Variants in SLC22A3 observed in about 807,000 individuals in gnomAD.
The protein encoded by SLC22A3 is solute carrier family 22 member 3.
Under a neutral mutation model 59.1 loss-of-function variants are expected in SLC22A3, and 51 were observed. That is an observed-to-expected ratio of 0.86 (90% CI 0.69 to 1.09). The LOEUF (loss-of-function observed/expected upper bound fraction) is 1.09, where lower values mean the gene tolerates loss of function less well. Ranked by LOEUF, SLC22A3 falls within the 50% of genes least tolerant of loss-of-function variation. The pLI, the probability that SLC22A3 is intolerant of heterozygous loss-of-function variation, is 0.00. For missense variants in SLC22A3, 711 were observed against 726.3 expected (o/e 0.98, Z 0.24); for synonymous variants, 325 against 292.0 (o/e 1.11, Z -1.15).
intron 1 of SLC22A3, among the ~76,000 whole-genome samples, chr6:160,354,133 G>A (rs1279651354): frequency 6.6e-6 from 1 of 152,168 alleles, no homozygotes; most frequent in African/African-American, 2.4e-5. Flanking sequence ...ATGTTGCAGA[G>A]ACATCTGTAC....
In SLC22A3 at chr6:160,452,000, A is replaced by G. The variant is rs1235957803; in HGVS notation, c.*944A>G. On this transcript the variant is annotated 3_prime_UTR_variant, in exon 11 of 11. Coordinates refer to ENST00000275300, the MANE Select transcript of SLC22A3 (RefSeq NM_021977.4). ...TCCTATTCATTCTTAGCACTTTGAC[A>G]TGTCTTGGGGAAAAGCTTACATTTT... is the stretch of plus-strand genomic sequence containing the variant. 6.6e-6 allele frequency: 1 copy of G among 152,230 alleles called. No individual in the cohort carries two copies. The highest frequency in any genetic ancestry group is 1.9e-4 in the East Asian group (1 of 5,198). 9.4% of individuals were successfully genotyped at this position (152,230 alleles called of 1,614,324 possible).
intron 7 of SLC22A3, among the ~76,000 whole-genome samples, chr6:160,438,233 A>T (rs1414718007): frequency 6.6e-6 from 1 of 152,118 alleles, no homozygotes; most frequent in Non-Finnish European, 1.5e-5. Context: ...GGTGAGCAGC[A>T]CCCAGAAGAT....
chr6:160,390,833 C>T (rs985194968), intron 1 of SLC22A3, among the ~76,000 whole-genome samples: 3 of 152,022 alleles, frequency 2.0e-5, no homozygotes, highest in African/African-American at 4.8e-5. Context: ...GAAATTGATT[C>T]GCTCCTGGTT....
At chr6:160,359,866 C>G (rs970894599) in intron 1 of SLC22A3, among the ~76,000 whole-genome samples, 2 of 152,146 alleles carry the variant, frequency 1.3e-5, no homozygotes, top group Non-Finnish European at 2.9e-5. Context: ...CTGTAAAGAA[C>G]TGTATTAACA....
At chr6:160,405,895 A>G (rs1786994192) in intron 2 of SLC22A3, among the ~76,000 whole-genome samples, 2 of 152,152 alleles carry the variant, frequency 1.3e-5, no homozygotes, top group African/African-American at 4.8e-5. Flanking sequence ...AGTAAAAAAA[A>G]GGATCAGTGG....
At chr6:160,359,742 C>T (rs1462677533) in intron 1 of SLC22A3, among the ~76,000 whole-genome samples, 1 of 152,204 alleles carries the variant, frequency 6.6e-6, no homozygotes, top group Non-Finnish European at 1.5e-5. Context: ...GGTTGAAACT[C>T]AACCTTGTTC....
At chr6:160,424,754 C>A (rs1000488129) in intron 5 of SLC22A3, among the ~76,000 whole-genome samples, 1 of 152,166 alleles carries the variant, frequency 6.6e-6, no homozygotes, top group Non-Finnish European at 1.5e-5. Flanking sequence ...TGAATCTTGG[C>A]CTTTTCTGGC....
At position 160,407,114 on chromosome 6, in the gene SLC22A3, C is replaced by G. The variant is rs1237914410; in HGVS notation, c.607C>G (p.Pro203Ala). Reference sequence around the variant, plus strand: ...CACTGGGGTTGTGGTGGCCTTTGCACCAAACTTCCCTGTGTTTGTGATCTT... The same window carrying G: ...CACTGGGGTTGTGGTGGCCTTTGCAGCAAACTTCCCTGTGTTTGTGATCTT... ...GVTGVVVAFAPNFPVFVIFRF... is the reference protein window; with the variant it reads ...GVTGVVVAFAANFPVFVIFRF... The change falls in exon 3 of 11, where the codon CCA becomes GCA. Residue 203 changes from proline (P) to alanine (A), a missense_variant. Pro to Ala is a conservative substitution (Grantham distance 27). Coordinates refer to ENST00000275300, the MANE Select transcript of SLC22A3 (RefSeq NM_021977.4). 6.2e-7 allele frequency: 1 copy of G among 1,612,086 alleles called. No individual in the cohort carries two copies. The highest frequency in any genetic ancestry group is 1.1e-5 in the South Asian group (1 of 90,632).
At position 160,418,219 on chromosome 6, in the gene SLC22A3, A is replaced by G. The variant is rs564885657; in HGVS notation, c.975+7373A>G. 1.4e-4 allele frequency among the ~76,000 whole-genome samples: 22 copies of G among 152,256 alleles called. 1 individual carries two copies. Among genetic ancestry groups the G allele is most frequent in the African/African-American group, 5.3e-4 (22 of 41,564 alleles). On this transcript the variant is annotated intron_variant, in intron 5 of 10. Transcript: ENST00000275300. ...TGTGGCTTGAACAAAGCAGGCAGAA[A>G]AAGGTGGGATAGGATGTCTTGCTGA...
intron 1 of SLC22A3, among the ~76,000 whole-genome samples, chr6:160,359,306 A>C (rs1252780797): frequency 1.3e-5 from 2 of 152,232 alleles, no homozygotes; most frequent in East Asian, 3.8e-4. Context: ...AATTTGGGCT[A>C]AAGTGCTTTA....
chr6:160,417,838 A>G (rs1036078670), intron 5 of SLC22A3, among the ~76,000 whole-genome samples: 2 of 152,178 alleles, frequency 1.3e-5, no homozygotes, highest in African/African-American at 4.8e-5. Flanking sequence ...GAAAATTCCC[A>G]GGCTTACCTA....
At chr6:160,422,960 T>A (rs1020102203) in intron 5 of SLC22A3, among the ~76,000 whole-genome samples, 1 of 152,158 alleles carries the variant, frequency 6.6e-6, no homozygotes, top group African/African-American at 2.4e-5. Context: ...TAGGTGTATC[T>A]CCTAATGCTT....
At chr6:160,369,851 C>T (rs1340492080) in intron 1 of SLC22A3, among the ~76,000 whole-genome samples, 5 of 152,278 alleles carry the variant, frequency 3.3e-5, no homozygotes, top group South Asian at 4.1e-4. Context: ...GAATGCCGAA[C>T]AGGCACAAGA....
At chr6:160,363,974 C>A (rs1247656350) in intron 1 of SLC22A3, among the ~76,000 whole-genome samples, 2 of 151,904 alleles carry the variant, frequency 1.3e-5, no homozygotes, top group East Asian at 1.9e-4. Flanking sequence ...GAGTCCCAGA[C>A]AAACTGGGAC....
chr6:160,447,452 G>T (rs974431173), intron 9 of SLC22A3, among the ~76,000 whole-genome samples: 1 of 152,180 alleles, frequency 6.6e-6, no homozygotes, highest in African/African-American at 2.4e-5. Context: ...CCCTAAGAAG[G>T]AACTCAGTCA....
intron 1 of SLC22A3, among the ~76,000 whole-genome samples, chr6:160,376,970 A>C (rs936022186): frequency 6.6e-6 from 1 of 152,224 alleles, no homozygotes; most frequent in South Asian, 2.1e-4. Context: ...GGCAGAATCA[A>C]CATGCACCCC....
rs1031679401 is a variant in SLC22A3 at position 160,426,219 on chromosome 6, T to C, written c.976-10561T>C. The C allele has an allele frequency of 4.1e-6, 4 of 985,302 alleles. No individual in the cohort carries two copies. In the Admixed American group the frequency reaches 2.5e-4, roughly 61 times the overall value. 61.0% of individuals were successfully genotyped at this position (985,302 alleles called of 1,614,324 possible). ...GCATTTTCAAACTAAACCAAAGGCT[T>C]TCTGAGTTACATAAGGAAGGCAAAA... On this transcript the variant is annotated intron_variant, in intron 5 of 10. Coordinates refer to ENST00000275300, the MANE Select transcript of SLC22A3 (RefSeq NM_021977.4).
intron 1 of SLC22A3, among the ~76,000 whole-genome samples, chr6:160,362,330 C>T (rs1457317725): frequency 6.6e-6 from 1 of 152,234 alleles, no homozygotes; most frequent in Non-Finnish European, 1.5e-5. Context: ...TTCAGAATTT[C>T]AGGGATTGCT....
intron 7 of SLC22A3, among the ~76,000 whole-genome samples, chr6:160,438,031 C>T (rs1406072228): frequency 6.6e-6 from 1 of 152,126 alleles, no homozygotes; most frequent in Non-Finnish European, 1.5e-5. Context: ...GGCATAACTG[C>T]AGCAGTTTAG....
Sources: gnomAD v4.1 joint callset for allele counts (sites outside exome capture counted in the v4.1 genomes callset) on GRCh38, gnomAD v4.1.1 for gene constraint, MANE v1.5 for transcripts, NCBI Gene and HGNC (gene_info 2026-07-23, HGNC 2026-07-21) for gene names.